C16orf74: variants seen among roughly 807,000 people sequenced by gnomAD.
C16orf74 encodes the protein calcimembrin, also known as uncharacterized protein C16orf74.
In C16orf74, 10 loss-of-function variants were observed where a neutral mutation model predicts 6.5. The observed-to-expected ratio is 1.54, with a 90% CI of 0.95 to 2.61. The LOEUF (loss-of-function observed/expected upper bound fraction) is 2.61. Ranked by LOEUF, C16orf74 falls within the 30% of genes most tolerant of loss-of-function variation. The pLI is 0.00. For missense variants in C16orf74, 141 were observed against 105.9 expected (o/e 1.33, Z -1.45); for synonymous variants, 60 against 42.5 (o/e 1.41, Z -1.60).
At chr16:85,750,648 C>A (rs895935291) in intron 1 of C16orf74, among the ~76,000 whole-genome samples, 1 of 152,130 alleles carries the variant, frequency 6.6e-6, no homozygotes, top group Non-Finnish European at 1.5e-5. Context: ...GAGTGGGGGG[C>A]CAGAGGCTTC....
intron 1 of C16orf74, among the ~76,000 whole-genome samples, chr16:85,748,047 C>CTGAAACAT (rs1567815440): frequency 1.4e-5 from 1 of 71,434 alleles, no homozygotes; most frequent in Non-Finnish European, 5.1e-5. Flanking sequence ...TATTGCACCA[C>CTGAAACAT]TGCACTCCAG....
At chr16:85,709,495 G>GTTATTATTATTATTATTA (rs57478569) in intron 3 of C16orf74, among the ~76,000 whole-genome samples, 97 of 147,418 alleles carry the variant, frequency 6.6e-4, no homozygotes, top group African/African-American at 1.3e-3. Flanking sequence ...CATCCCCAAT[G>GTTATTATTATTATTATTA]TTATTATTAT....
intron 2 of C16orf74, among the ~76,000 whole-genome samples, chr16:85,712,863 G>A (rs1453508157): frequency 1.3e-5 from 2 of 152,176 alleles, no homozygotes. Flanking sequence ...TGTTTGCCGG[G>A]GGCTGTGGTT....
intron 1 of C16orf74, among the ~76,000 whole-genome samples, chr16:85,750,223 C>G (rs2054421466): frequency 6.6e-6 from 1 of 152,230 alleles, no homozygotes; most frequent in Non-Finnish European, 1.5e-5. Context: ...CCTGTCGAGC[C>G]TGCACAGATT....
intron 2 of C16orf74, among the ~76,000 whole-genome samples, chr16:85,717,682 C>T (rs1032420334): frequency 6.6e-6 from 1 of 152,230 alleles, no homozygotes; most frequent in African/African-American, 2.4e-5. Context: ...ATTTGCACTC[C>T]TGCATTCAAC....
At chr16:85,708,444 T>C (rs2053935270) in intron 3 of C16orf74, among the ~76,000 whole-genome samples, 1 of 152,178 alleles carries the variant, frequency 6.6e-6, no homozygotes, top group African/African-American at 2.4e-5. Flanking sequence ...CCTGCGCCTC[T>C]GTCCGCCCAC....
In C16orf74 at chr16:85,708,733, C is replaced by G. The variant is rs1172527256; in HGVS notation, c.173-667G>C. 4.6e-5 allele frequency among the ~76,000 whole-genome samples: 7 copies of G among 152,352 alleles called. No individual in the cohort carries two copies. The East Asian group carries it at 1.4e-3, about 29-fold the overall frequency. On this transcript the variant is annotated intron_variant, in intron 3 of 3. Transcript: ENST00000284245. ...ACCCAGCACCTGCACTGGCCCAACC[C>G]AGAGGGGCCTGACAGCTTTCTCCCA...
At chr16:85,724,435 A>G (rs1330453963) in intron 2 of C16orf74, among the ~76,000 whole-genome samples, 1 of 152,100 alleles carries the variant, frequency 6.6e-6, no homozygotes, top group Non-Finnish European at 1.5e-5. Flanking sequence ...GCCCCTAGGG[A>G]TCCAGCTCGG....
chr16:85,720,266 G>C (rs934189260), intron 2 of C16orf74, among the ~76,000 whole-genome samples: 1 of 152,172 alleles, frequency 6.6e-6, no homozygotes, highest in African/African-American at 2.4e-5. Context: ...CTAGAGACAG[G>C]AGCTTCGACA....
chr16:85,745,138 C>CT lies in C16orf74; in HGVS notation c.-19+5787dup, dbSNP rs1409842617. Among the ~76,000 whole-genome samples the CT allele has an allele frequency of 1.2e-4, 7 of 56,676 alleles. No individual in the cohort carries two copies. In the South Asian group the frequency reaches 2.6e-3, roughly 21 times the overall value. 37.2% of individuals were successfully genotyped at this position (56,676 alleles called of 152,430 possible). A position where few individuals can be genotyped will look rare whatever the true frequency, so the allele number is the denominator to read the frequency against. On this transcript the variant is annotated intron_variant, in intron 1 of 3. Transcript: ENST00000284245. ...CCTGGGCAACAAGACGAAACTCTGT[C>CT]TAAAAAAAAAAAAAAAAAAAAAAAA...
chr16:85,722,368 G>A (rs9308354), intron 2 of C16orf74, among the ~76,000 whole-genome samples: 6,689 of 152,284 alleles, frequency 0.044, 484 homozygotes, highest in African/African-American at 0.15. Context: ...CTACTTGAGC[G>A]AACTGGGAGT....
chr16:85,739,248 G>A (rs145710811), intron 1 of C16orf74, among the ~76,000 whole-genome samples: 1 of 152,312 alleles, frequency 6.6e-6, no homozygotes, highest in African/African-American at 2.4e-5. Context: ...GACTGTGGCT[G>A]CTGGTAAGCC....
intron 2 of C16orf74, among the ~76,000 whole-genome samples, chr16:85,719,583 G>T (rs1372137192): frequency 6.6e-6 from 1 of 152,124 alleles, no homozygotes; most frequent in African/African-American, 2.4e-5. Flanking sequence ...CTGGGGGCTG[G>T]AAGCACAAAG....
intron 1 of C16orf74, among the ~76,000 whole-genome samples, chr16:85,739,186 A>G (rs2054276727): frequency 6.6e-6 from 1 of 152,178 alleles, no homozygotes; most frequent in Non-Finnish European, 1.5e-5. Flanking sequence ...CCAGAGGGAA[A>G]GCTGCACAGA....
intron 2 of C16orf74, among the ~76,000 whole-genome samples, chr16:85,729,578 C>T (rs1223677450): frequency 1.3e-5 from 2 of 152,226 alleles, no homozygotes; most frequent in Non-Finnish European, 2.9e-5. Flanking sequence ...AAATTCACAT[C>T]AACCCAGAAC....
intron 2 of C16orf74, among the ~76,000 whole-genome samples, chr16:85,722,207 T>G (rs1211225095): frequency 6.6e-6 from 1 of 152,088 alleles, no homozygotes; most frequent in Non-Finnish European, 1.5e-5. Context: ...TATACTGCAG[T>G]GCTGTCATAA....
intron 2 of C16orf74, among the ~76,000 whole-genome samples, chr16:85,720,139 G>A (rs1034513702): frequency 6.6e-6 from 1 of 151,378 alleles, no homozygotes; most frequent in African/African-American, 2.4e-5. Flanking sequence ...TTACCTTTTC[G>A]AGGCATCCCA....
intron 1 of C16orf74, among the ~76,000 whole-genome samples, chr16:85,749,061 G>C (rs192807098): frequency 1.3e-5 from 2 of 151,638 alleles, no homozygotes. Flanking sequence ...GATCACAGGT[G>C]TGAGCCACTG....
chr16:85,720,537 G>A (rs534016656), intron 2 of C16orf74, among the ~76,000 whole-genome samples: 1 of 152,114 alleles, frequency 6.6e-6, no homozygotes, highest in Non-Finnish European at 1.5e-5. Context: ...GAAGGACAAG[G>A]ACAAAGGATT....
Sources: gnomAD v4.1 joint callset for allele counts (sites outside exome capture counted in the v4.1 genomes callset) on GRCh38, gnomAD v4.1.1 for gene constraint, MANE v1.5 for transcripts, NCBI Gene and HGNC (gene_info 2026-07-23, HGNC 2026-07-21) for gene names.